The following RNF125 variants were observed in gnomAD, a reference collection of about 807,000 sequenced individuals.
RNF125 encodes the protein ring finger protein 125.
In RNF125, 21 loss-of-function variants were observed where a neutral mutation model predicts 26.0. The ratio of observed to expected loss-of-function variants is 0.81; its 90% CI spans 0.57 to 1.16. The LOEUF (loss-of-function observed/expected upper bound fraction) is 1.16, where lower values mean the gene tolerates loss of function less well. Among genes scored for constraint, RNF125 ranks in the 50% most tolerant of loss-of-function variants. RNF125 has a pLI of 0.00. For missense variants in RNF125, 270 were observed against 299.4 expected (o/e 0.90, Z 0.72); for synonymous variants, 95 against 109.2 (o/e 0.87, Z 0.81).
chr18:32,080,856 A>T, the RNF125 span, among the ~76,000 whole-genome samples: 1 of 152,026 alleles, frequency 6.6e-6, no homozygotes, highest in African/African-American at 2.4e-5. Flanking sequence ...AGCCTGGGGG[A>T]CTGTGCGAGA....
At chr18:32,062,212 C>T (rs903336866) in intron 4 of RNF125, among the ~76,000 whole-genome samples, 1 of 152,100 alleles carries the variant, frequency 6.6e-6, no homozygotes, top group African/African-American at 2.4e-5. Context: ...AAGTATCTAA[C>T]TTCAAAGTAT....
intron 1 of RNF125, among the ~76,000 whole-genome samples, chr18:32,034,484 G>A (rs984123516): frequency 2.0e-5 from 3 of 152,150 alleles, no homozygotes; most frequent in Non-Finnish European, 4.4e-5. Context: ...CCCTGTATGT[G>A]CCTTGGTTTC....
chr18:32,037,287 C>T lies in RNF125; in HGVS notation c.318+18C>T. On this transcript the variant is annotated intron_variant, in intron 2 of 5. Coordinates refer to ENST00000217740, the MANE Select transcript of RNF125 (RefSeq NM_017831.4). ...ACACCCTGGTATGTATGTGACCCCA[C>T]CTATTTTCATGGTTACCAGCTTAAG... 1 of 1,513,900 alleles carries T rather than the reference C, an allele frequency of 6.6e-7. No individual in the cohort carries two copies. Among genetic ancestry groups the T allele is most frequent in the Non-Finnish European group, 8.8e-7 (1 of 1,132,796 alleles). 93.8% of individuals were successfully genotyped at this position (1,513,900 alleles called of 1,614,324 possible).
At chr18:32,020,095 T>C (rs2038972661) in intron 1 of RNF125, among the ~76,000 whole-genome samples, 1 of 151,570 alleles carries the variant, frequency 6.6e-6, no homozygotes, top group African/African-American at 2.4e-5. Context: ...GCGGTGGTGC[T>C]ATCTCGGCTC....
intron 4 of RNF125, among the ~76,000 whole-genome samples, chr18:32,055,189 C>T (rs2039368299): frequency 6.6e-6 from 1 of 151,716 alleles, no homozygotes; most frequent in Admixed American, 6.6e-5. Context: ...ATCCCAGCTA[C>T]TAGGGAGGCT....
At chr18:32,029,619 C>CA (rs11369600) in intron 1 of RNF125, among the ~76,000 whole-genome samples, 101,838 of 146,858 alleles carry the variant, frequency 0.69, 34,968 homozygotes, top group Non-Finnish European at 0.73. Context: ...GACCCTGCCT[C>CA]AAAAAAAAAA....
chr18:32,054,086 CT>C (rs35616121), intron 4 of RNF125, among the ~76,000 whole-genome samples: 11,477 of 88,372 alleles, frequency 0.13, 209 homozygotes, highest in Middle Eastern at 0.17. Flanking sequence ...GACATTTGTA[CT>C]TTTTTTTTTT....
rs548021307 is a variant in RNF125, at chr18:32,032,190, C to T, written c.165-4926C>T. 2.6e-5 allele frequency among the ~76,000 whole-genome samples: 4 copies of T among 152,284 alleles called. No homozygotes were observed. The South Asian group carries it at 8.3e-4, about 32-fold the overall frequency. On this transcript the variant is annotated intron_variant, in intron 1 of 5. Transcript: ENST00000217740. Reference sequence around the variant, plus strand: ...CTCCCGGGTTCAAGTGATTCTCCCACCTCAGCCTCCCGAGTAGCTGGGATT... The same window carrying T: ...CTCCCGGGTTCAAGTGATTCTCCCATCTCAGCCTCCCGAGTAGCTGGGATT...
chr18:32,064,729 G>A (rs1366306813), intron 4 of RNF125, among the ~76,000 whole-genome samples: 1 of 152,036 alleles, frequency 6.6e-6, no homozygotes, highest in Non-Finnish European at 1.5e-5. Flanking sequence ...CACCATGTTG[G>A]CCATGCTGGT....
intron 4 of RNF125, among the ~76,000 whole-genome samples, chr18:32,057,776 G>A (rs1267972708): frequency 6.6e-6 from 1 of 151,978 alleles, no homozygotes; most frequent in South Asian, 2.1e-4. Flanking sequence ...TCTTTAAGGC[G>A]GTTGTTCTCA....
intron 4 of RNF125, among the ~76,000 whole-genome samples, chr18:32,050,446 T>C (rs550410669): frequency 4.1e-4 from 63 of 152,304 alleles, no homozygotes; most frequent in Non-Finnish European, 6.0e-4. Context: ...GCTTCCTGAG[T>C]AGCTGGAACT....
intron 1 of RNF125, among the ~76,000 whole-genome samples, chr18:32,033,891 G>A (rs1240751696): frequency 6.6e-6 from 1 of 151,358 alleles, no homozygotes; most frequent in African/African-American, 2.4e-5. Context: ...GCTTCTAGAC[G>A]TTCTATTAGT....
intron 2 of RNF125, among the ~76,000 whole-genome samples, chr18:32,038,121 C>T (rs1482055927): frequency 6.7e-6 from 1 of 150,224 alleles, no homozygotes. Context: ...CCATCTCGGC[C>T]CACTGCAAGC....
At chr18:32,048,550 G>C (rs2039295217) in intron 4 of RNF125, among the ~76,000 whole-genome samples, 1 of 152,144 alleles carries the variant, frequency 6.6e-6, no homozygotes, top group Non-Finnish European at 1.5e-5. Flanking sequence ...CTGAGACTCA[G>C]AGAGGTTAAG....
In RNF125 at chr18:32,019,400, G is replaced by A. The variant is rs2038964018; in HGVS notation, c.164+373G>A. On this transcript the variant is annotated intron_variant, in intron 1 of 5. Transcript: ENST00000217740. The stretch of plus-strand genomic sequence containing the variant: ...TCGCCCAGGCACGGAAAGGAAACGA[G>A]CTCCAGCTACAAGGCAGGGGCTCCC... Among the ~76,000 whole-genome samples, 3 of 152,080 alleles carry A rather than the reference G, an allele frequency of 2.0e-5. No homozygotes were observed. The South Asian group carries it at 6.3e-4, about 32-fold the overall frequency.
intron 2 of RNF125, among the ~76,000 whole-genome samples, chr18:32,040,448 CTT>C (rs1221216993): frequency 6.6e-6 from 1 of 151,480 alleles, no homozygotes; most frequent in African/African-American, 2.4e-5. Context: ...ATTTTTGTAT[CTT>C]TAGTAGAGAG....
intron 4 of RNF125, among the ~76,000 whole-genome samples, chr18:32,060,409 A>G (rs1291728848): frequency 6.6e-5 from 10 of 152,244 alleles, no homozygotes; most frequent in African/African-American, 1.7e-4. Flanking sequence ...GGCTAATCTT[A>G]GAAACAGTTT....
chr18:32,080,248 C>CA, the RNF125 span, among the ~76,000 whole-genome samples: 8 of 152,136 alleles, frequency 5.3e-5, no homozygotes, highest in Admixed American at 1.3e-4. Context: ...AGGCTGGTCT[C>CA]AAACTCCTGA....
At chr18:32,067,436 G>T (rs1478925995) in intron 5 of RNF125, among the ~76,000 whole-genome samples, 1 of 152,168 alleles carries the variant, frequency 6.6e-6, no homozygotes, top group African/African-American at 2.4e-5. Flanking sequence ...CATATTCTTG[G>T]GTAGGGAAGT....
Sources: allele counts gnomAD v4.1 joint callset (sites outside exome capture counted in the v4.1 genomes callset), GRCh38; gene constraint gnomAD v4.1.1; transcripts MANE v1.5; gene names NCBI Gene and HGNC (gene_info 2026-07-23, HGNC 2026-07-21).